STAG1: variants seen among roughly 807,000 people sequenced by gnomAD.
STAG1 encodes STAG1 cohesin complex component, also known as cohesin subunit SA-1.
In STAG1, 26 loss-of-function variants were observed where a neutral mutation model predicts 170.9. The observed-to-expected ratio is 0.15, with a 90% CI of 0.11 to 0.21. The LOEUF is 0.21. Among genes scored for constraint, STAG1 ranks in the 10% least tolerant of loss-of-function variants. The pLI is 1.00. For missense variants in STAG1, 964 were observed against 1,509.5 expected (o/e 0.64, Z 5.99); for synonymous variants, 514 against 497.7 (o/e 1.03, Z -0.44).
At chr3:136,736,894 G>A in intron 1 of STAG1, 1 of 1,585,688 alleles carries the variant, frequency 6.3e-7, no homozygotes, top group East Asian at 2.2e-5. Flanking sequence ...TACATCCAGG[G>A]TCCTCTTCTT....
chr3:136,371,919 G>A (rs1350213501), intron 23 of STAG1, among the ~76,000 whole-genome samples: 4 of 152,102 alleles, frequency 2.6e-5, no homozygotes, highest in African/African-American at 9.7e-5. Context: ...TGATGGGGAT[G>A]GCATTCAATC....
chr3:136,368,995 T>C (rs1004561966), intron 24 of STAG1, 113 bp downstream of exon 24: 1 of 1,112,366 alleles, frequency 9.0e-7, no homozygotes, highest in Non-Finnish European at 1.2e-6. Flanking sequence ...CTGGCCAACT[T>C]TTTTAAAAGA....
intron 1 of STAG1, among the ~76,000 whole-genome samples, chr3:136,714,341 A>G (rs554361694): frequency 5.9e-5 from 9 of 152,322 alleles, no homozygotes; most frequent in Admixed American, 3.9e-4. Context: ...CACACTTGTA[A>G]TCTCAGCACT....
chr3:136,476,845 A>C (rs1432362182), intron 10 of STAG1, among the ~76,000 whole-genome samples: 7 of 152,182 alleles, frequency 4.6e-5, no homozygotes, highest in Non-Finnish European at 1.5e-5. Context: ...TAAAGTCAGA[A>C]GGCAGAATTA....
chr3:136,342,405 G>GA (rs1192789549), intron 30 of STAG1, among the ~76,000 whole-genome samples: 1 of 151,910 alleles, frequency 6.6e-6, no homozygotes, highest in Non-Finnish European at 1.5e-5. Context: ...TACAACCTCT[G>GA]CCTCCCAGGC....
intron 5 of STAG1, among the ~76,000 whole-genome samples, chr3:136,567,495 A>C (rs749834634): frequency 2.6e-5 from 4 of 152,042 alleles, no homozygotes; most frequent in Non-Finnish European, 5.9e-5. Context: ...CTTTAATCTC[A>C]CATCAGAGTT....
At chr3:136,539,463 A>T (rs1388976563) in intron 6 of STAG1, among the ~76,000 whole-genome samples, 1 of 152,240 alleles carries the variant, frequency 6.6e-6, no homozygotes, top group African/African-American at 2.4e-5. Flanking sequence ...AGCAAGAATT[A>T]AAGGCACTAA....
chr3:136,406,257 T>C (rs574721124), intron 21 of STAG1, among the ~76,000 whole-genome samples: 16 of 152,322 alleles, frequency 1.1e-4, no homozygotes, highest in Middle Eastern at 3.4e-3. Flanking sequence ...GTCAAAAACA[T>C]TACTTTCAGG....
At chr3:136,744,657 G>A (rs896239838) in intron 1 of STAG1, among the ~76,000 whole-genome samples, 8 of 149,454 alleles carry the variant, frequency 5.4e-5, no homozygotes, top group Admixed American at 2.0e-4. Flanking sequence ...ACATTTCTTA[G>A]GTAAACTGCA....
intron 1 of STAG1, among the ~76,000 whole-genome samples, chr3:136,702,899 C>T (rs570182072): frequency 4.6e-5 from 7 of 151,860 alleles, no homozygotes; most frequent in African/African-American, 1.7e-4. Flanking sequence ...GAAACCCCGT[C>T]TCTACTAAAA....
intron 23 of STAG1, among the ~76,000 whole-genome samples, chr3:136,371,721 G>A (rs1364433031): frequency 1.3e-5 from 2 of 152,110 alleles, no homozygotes; most frequent in Middle Eastern, 3.2e-3. Context: ...CTATATCTCT[G>A]TTTTGGTACC....
At chr3:136,515,091 A>G (rs1239222675) in intron 7 of STAG1, among the ~76,000 whole-genome samples, 1 of 152,240 alleles carries the variant, frequency 6.6e-6, no homozygotes, top group East Asian at 1.9e-4. Flanking sequence ...TGGGCTGGGC[A>G]TGGTTGCTCA....
intron 22 of STAG1, among the ~76,000 whole-genome samples, chr3:136,394,300 G>A (rs2087090758): frequency 6.6e-6 from 1 of 152,148 alleles, no homozygotes. Context: ...AGACAGAACT[G>A]ATGTACGATG....
chr3:136,621,759 T>G (rs1041325264), intron 3 of STAG1, among the ~76,000 whole-genome samples: 1 of 151,888 alleles, frequency 6.6e-6, no homozygotes, highest in African/African-American at 2.4e-5. Context: ...ATGACTTAAC[T>G]TATCAAAAAA....
intron 1 of STAG1, among the ~76,000 whole-genome samples, chr3:136,736,111 G>C (rs543034202): frequency 6.6e-6 from 1 of 152,324 alleles, no homozygotes; most frequent in East Asian, 1.9e-4. Context: ...GCTTGTCTAT[G>C]AAGTCACAGC....
chr3:136,710,289 TAC>T (rs1265607154), intron 1 of STAG1, among the ~76,000 whole-genome samples: 2 of 152,200 alleles, frequency 1.3e-5, no homozygotes, highest in South Asian at 2.1e-4. Context: ...CACACAGTAA[TAC>T]AGTCTGATTT....
chr3:136,697,803 T>G (rs968590646), intron 1 of STAG1, among the ~76,000 whole-genome samples: 6 of 152,200 alleles, frequency 3.9e-5, no homozygotes, highest in Admixed American at 3.9e-4. Context: ...ATAAAGAGAT[T>G]AAAACATCTT....
intron 22 of STAG1, among the ~76,000 whole-genome samples, chr3:136,386,435 T>C (rs1364516086): frequency 6.6e-6 from 1 of 152,182 alleles, no homozygotes; most frequent in Non-Finnish European, 1.5e-5. Flanking sequence ...ATGGTGAATT[T>C]ATCATATAAG....
intron 1 of STAG1, among the ~76,000 whole-genome samples, chr3:136,726,240 G>A (rs1176741219): frequency 1.3e-5 from 2 of 152,124 alleles, no homozygotes; most frequent in South Asian, 2.1e-4. Flanking sequence ...GATGCCAGTA[G>A]CATACACCAT....
Sources: gnomAD v4.1 joint callset for allele counts (sites outside exome capture counted in the v4.1 genomes callset) on GRCh38, gnomAD v4.1.1 for gene constraint, MANE v1.5 for transcripts, NCBI Gene and HGNC (gene_info 2026-07-23, HGNC 2026-07-21) for gene names.